CCL28: variants seen among roughly 807,000 people sequenced by gnomAD.
CCL28 encodes C-C motif chemokine ligand 28, also known as C-C motif chemokine 28.
Under a neutral mutation model 7.1 loss-of-function variants are expected in CCL28, and 4 were observed. That is an observed-to-expected ratio of 0.56 (90% CI 0.28 to 1.29). CCL28 has a LOEUF of 1.29. Among genes scored for constraint, CCL28 ranks in the 50% most tolerant of loss-of-function variants. The pLI is 0.11. For synonymous variants in CCL28, 55 were observed against 57.8 expected, an observed-to-expected ratio of 0.95 and a Z score of 0.22; for missense variants, 151 against 163.4, an observed-to-expected ratio of 0.92 and a Z score of 0.41.
At chr5:43,397,484 C>T (rs1241502967) in intron 1 of CCL28, among the ~76,000 whole-genome samples, 1 of 152,062 alleles carries the variant, frequency 6.6e-6, no homozygotes, top group African/African-American at 2.4e-5. Context: ...CAAGTACCCT[C>T]CTGGTCCACA....
chr5:43,370,101 G>A, the CCL28 span, among the ~76,000 whole-genome samples: 4 of 152,204 alleles, frequency 2.6e-5, no homozygotes, highest in Non-Finnish European at 5.9e-5. Flanking sequence ...CCAACCATCT[G>A]ACTGTACCCA....
At chr5:43,400,751 T>C (rs982071272) in intron 1 of CCL28, among the ~76,000 whole-genome samples, 1 of 152,176 alleles carries the variant, frequency 6.6e-6, no homozygotes, top group Non-Finnish European at 1.5e-5. Flanking sequence ...ATATAAAAGA[T>C]TCACTTAGCT....
In CCL28 at chr5:43,388,474, T is replaced by C; in HGVS notation, c.67A>G (p.Ile23Val). ...VCAALHASEA[I>V]LPIASSCCTE... ...CAACAGCTGGAGGCAATGGGAAGTATGGCTAAAAGAAGAAAAGAAAGAAAA... is the reference window on the plus strand; with the variant it reads ...CAACAGCTGGAGGCAATGGGAAGTACGGCTAAAAGAAGAAAAGAAAGAAAA... Residue 23 changes from isoleucine (I) to valine (V), a missense_variant and splice_region_variant, in exon 2 of 3, where the codon ATA becomes GTA. Physicochemically the swap from Ile to Val is conservative, Grantham distance 29 (BLOSUM62 3). Coordinates refer to ENST00000361115, the MANE Select transcript of CCL28 (RefSeq NM_148672.3). 2 of 1,613,578 alleles carry C rather than the reference T, an allele frequency of 1.2e-6. No homozygotes were observed. The highest frequency in any genetic ancestry group is 1.7e-6 in the Non-Finnish European group (2 of 1,179,906).
At chr5:43,367,007 G>T in the CCL28 span, among the ~76,000 whole-genome samples, 3 of 152,234 alleles carry the variant, frequency 2.0e-5, no homozygotes, top group Non-Finnish European at 4.4e-5. Context: ...CACTGTGTTT[G>T]TGTTTACACC....
chr5:43,404,795 A>C (rs1741197085), intron 1 of CCL28, among the ~76,000 whole-genome samples: 1 of 152,210 alleles, frequency 6.6e-6, no homozygotes, highest in Non-Finnish European at 1.5e-5. Context: ...ACACAGGCTC[A>C]AAATAAAGGG....
intron 1 of CCL28, among the ~76,000 whole-genome samples, chr5:43,399,856 T>C (rs1376894526): frequency 6.6e-6 from 1 of 151,892 alleles, no homozygotes; most frequent in Non-Finnish European, 1.5e-5. Flanking sequence ...TTTCTTTTTT[T>C]TTTTTTTGGG....
At chr5:43,391,094 A>G (rs1218945265) in intron 1 of CCL28, among the ~76,000 whole-genome samples, 1 of 152,204 alleles carries the variant, frequency 6.6e-6, no homozygotes, top group Non-Finnish European at 1.5e-5. Context: ...CATAAGAGAA[A>G]ATGTGGCAAG....
intron 1 of CCL28, among the ~76,000 whole-genome samples, chr5:43,389,304 G>A (rs1347272665): frequency 6.6e-6 from 1 of 152,200 alleles, no homozygotes; most frequent in East Asian, 1.9e-4. Context: ...GTGAATACTG[G>A]TTGTTCCTAC....
chr5:43,367,347 C>T, the CCL28 span, among the ~76,000 whole-genome samples: 2 of 152,208 alleles, frequency 1.3e-5, no homozygotes, highest in Non-Finnish European at 2.9e-5. Flanking sequence ...GCTTGAAACC[C>T]AGGGCCCTGG....
chr5:43,391,518 T>G (rs186168391), intron 1 of CCL28, among the ~76,000 whole-genome samples: 44 of 152,336 alleles, frequency 2.9e-4, no homozygotes, highest in African/African-American at 9.9e-4. Flanking sequence ...TAACTACTAT[T>G]CCCCTTTCCT....
the CCL28 span, among the ~76,000 whole-genome samples, chr5:43,360,153 A>G: frequency 1.3e-5 from 2 of 152,148 alleles, no homozygotes; most frequent in African/African-American, 4.8e-5. Flanking sequence ...CAATTACACT[A>G]CCGGGTAATC....
At chr5:43,397,106 T>C (rs1740841629) in intron 1 of CCL28, 2 of 152,244 alleles carry the variant, frequency 1.3e-5, no homozygotes, top group African/African-American at 4.8e-5. Context: ...GTGAAGAAGC[T>C]GCCAAAGTAT....
chr5:43,388,461 G>A lies in CCL28; in HGVS notation c.80C>T (p.Ala27Val). The A allele has an allele frequency of 6.2e-7, 1 of 1,613,936 alleles. No individual in the cohort carries two copies. Among genetic ancestry groups the A allele is most frequent in the Middle Eastern group, 1.7e-4 (1 of 6,008 alleles). Residue 27 changes from alanine (A) to valine (V), a missense_variant, in exon 2 of 3, where the codon GCC becomes GTC. By Grantham distance (64) the Ala-to-Val change is moderately conservative. Transcript: ENST00000361115. ...LHASEAILPIASSCCTEVSHH... is the reference protein window; with the variant it reads ...LHASEAILPIVSSCCTEVSHH... The stretch of plus-strand genomic sequence containing the variant: ...TGAAACCTCCGTGCAACAGCTGGAG[G>A]CAATGGGAAGTATGGCTAAAAGAAG...
Position 43,380,751 on chromosome 5 carries a change from A to G in CCL28, c.*1109T>C, listed in dbSNP as rs1740076764. The G allele has an allele frequency of 6.6e-6, 1 of 151,908 alleles. No individual in the cohort carries two copies. Among genetic ancestry groups the G allele is most frequent in the African/African-American group, 2.4e-5 (1 of 41,304 alleles). The allele number at this position is 151,908 out of a possible 1,614,324, so 9.4% of individuals were successfully genotyped here. On this transcript the variant is annotated 3_prime_UTR_variant, in exon 3 of 3. Transcript: ENST00000361115. ...CTAGAAGTTGAGGCTTCAGTGAGCC[A>G]AAATCAAAATTGTGCCACTGCACTC...
intron 1 of CCL28, among the ~76,000 whole-genome samples, chr5:43,390,909 G>C (rs960268159): frequency 6.6e-6 from 1 of 152,194 alleles, no homozygotes; most frequent in African/African-American, 2.4e-5. Flanking sequence ...GAGTATAGGA[G>C]TTCCATGGGT....
chr5:43,398,164 A>G (rs1740889677), intron 1 of CCL28, among the ~76,000 whole-genome samples: 1 of 152,274 alleles, frequency 6.6e-6, no homozygotes, highest in Admixed American at 6.5e-5. Flanking sequence ...ATAAGAATTA[A>G]TAAGTCATAG....
chr5:43,382,122 A>T (rs1219300721), intron 2 of CCL28, 70 bp from the exon 3 acceptor site: 3 of 1,377,806 alleles, frequency 2.2e-6, no homozygotes, highest in Middle Eastern at 3.7e-4. Context: ...AGTGACTTAC[A>T]TGCAGCTCCC....
chr5:43,362,189 A>G, the CCL28 span, among the ~76,000 whole-genome samples: 3 of 151,730 alleles, frequency 2.0e-5, no homozygotes, highest in African/African-American at 7.3e-5. Flanking sequence ...GTTTTGTAAT[A>G]CTCATTGTAG....
intron 1 of CCL28, among the ~76,000 whole-genome samples, chr5:43,391,316 T>C (rs1740562410): frequency 6.6e-6 from 1 of 152,170 alleles, no homozygotes; most frequent in South Asian, 2.1e-4. Flanking sequence ...TTGGTTGGAA[T>C]ATAGAATTTA....
Sources: allele counts gnomAD v4.1 joint callset (sites outside exome capture counted in the v4.1 genomes callset), GRCh38; gene constraint gnomAD v4.1.1; transcripts MANE v1.5; gene names NCBI Gene and HGNC (gene_info 2026-07-23, HGNC 2026-07-21).